The following CAMK4 variants were observed in gnomAD, a reference collection of about 807,000 sequenced individuals.
CAMK4 encodes the protein calcium/calmodulin-dependent protein kinase type IV.
Under a neutral mutation model 44.9 loss-of-function variants are expected in CAMK4, and 22 were observed. The observed-to-expected ratio is 0.49, with a 90% CI of 0.35 to 0.70. CAMK4 has a LOEUF of 0.70. Among genes scored for constraint, CAMK4 ranks in the 30% least tolerant of loss-of-function variants. The pLI is 0.01. For synonymous variants in CAMK4, 218 were observed against 215.4 expected, an observed-to-expected ratio of 1.01 and a Z score of -0.11; for missense variants, 498 against 586.8, an observed-to-expected ratio of 0.85 and a Z score of 1.56.
chr5:111,467,967 CA>C (rs1260424272), intron 7 of CAMK4, among the ~76,000 whole-genome samples: 22 of 145,852 alleles, frequency 1.5e-4, no homozygotes, highest in African/African-American at 5.5e-4. Flanking sequence ...CACACACACA[CA>C]CACCATGGAA....
At chr5:111,256,538 C>A (rs1749753972) in intron 1 of CAMK4, among the ~76,000 whole-genome samples, 1 of 152,092 alleles carries the variant, frequency 6.6e-6, no homozygotes, top group African/African-American at 2.4e-5. Flanking sequence ...TTTGAGACTT[C>A]TTGTGAATCT....
chr5:111,369,374 T>C (rs1750920071), intron 2 of CAMK4, among the ~76,000 whole-genome samples: 1 of 152,142 alleles, frequency 6.6e-6, no homozygotes, highest in African/African-American at 2.4e-5. Flanking sequence ...TGATACAAAA[T>C]TATTGAGAAT....
chr5:111,297,216 TA>T (rs1747525646), intron 1 of CAMK4, among the ~76,000 whole-genome samples: 1 of 152,204 alleles, frequency 6.6e-6, no homozygotes, highest in African/African-American at 2.4e-5. Context: ...AATTAAATAA[TA>T]AAAAATACTT....
intron 7 of CAMK4, among the ~76,000 whole-genome samples, chr5:111,452,825 G>A (rs1381149308): frequency 6.6e-6 from 1 of 152,204 alleles, no homozygotes; most frequent in Non-Finnish European, 1.5e-5. Context: ...ACTATAGGTA[G>A]TGGCTTATCA....
chr5:111,484,731 C>A lies in CAMK4; in HGVS notation c.*265C>A, dbSNP rs377477379. 10 of 304,004 alleles carry A rather than the reference C, an allele frequency of 3.3e-5. No homozygotes were observed. The highest frequency in any genetic ancestry group is 8.6e-5 in the African/African-American group (4 of 46,640). The allele number at this position is 304,004 out of a possible 1,614,324, so 18.8% of individuals were successfully genotyped here. On this transcript the variant is annotated 3_prime_UTR_variant, in exon 11 of 11. Coordinates refer to ENST00000282356, the MANE Select transcript of CAMK4 (RefSeq NM_001744.6). This position sits in a 1 kb window ranked among gnomAD's most constrained non-coding sequence, Gnocchi z 5.3. ...ACACAACGTAACACTTAAAAGCATA[C>A]ATTTTCAGCAACCAGTGGCACATAT... is the stretch of plus-strand genomic sequence containing the variant.
chr5:111,245,494 T>A (rs574907338), intron 1 of CAMK4, among the ~76,000 whole-genome samples: 1 of 152,344 alleles, frequency 6.6e-6, no homozygotes, highest in African/African-American at 2.4e-5. Flanking sequence ...GCCATATCTT[T>A]TCTTCCTTTC....
chr5:111,224,295 C>G, upstream of CAMK4: 1 of 802,602 alleles, frequency 1.2e-6, no homozygotes, highest in Non-Finnish European at 1.7e-6. The surrounding 1 kb of genome is among the most constrained non-coding windows in gnomAD (Gnocchi z 5.7). Context: ...CTCGCGCCCT[C>G]TCGCAGAGGC....
chr5:111,304,534 A>G (rs371231789), intron 1 of CAMK4, among the ~76,000 whole-genome samples: 2 of 4,690 alleles, frequency 4.3e-4, no homozygotes, highest in African/African-American at 1.3e-3. Flanking sequence ...TCAATTCAAC[A>G]AGAGGATCTA....
rs1232076531 is a variant in CAMK4, at chr5:111,432,637, C to CACAT, written c.460-14048_460-14047insCATA. Among the ~76,000 whole-genome samples the CACAT allele has an allele frequency of 6.7e-3, 924 of 136,934 alleles. 9 individuals are homozygous for CACAT. The highest frequency in any genetic ancestry group is 0.024 in the African/African-American group (856 of 35,650). The allele number at this position is 136,934 out of a possible 152,430, so 89.8% of individuals were successfully genotyped here. On this transcript the variant is annotated intron_variant, in intron 5 of 10. Transcript: ENST00000282356. ...ATATGTGTGTGTATATATATATATA[C>CACAT]ATATATATATGTATATATGTGTGTG...
chr5:111,310,873 C>G (rs1254385721), intron 1 of CAMK4, among the ~76,000 whole-genome samples: 1 of 152,074 alleles, frequency 6.6e-6, no homozygotes, highest in Non-Finnish European at 1.5e-5. Context: ...GTTTTCTGGG[C>G]TGTAGGGATG....
chr5:111,269,135 T>C (rs560886849), intron 1 of CAMK4, among the ~76,000 whole-genome samples: 42 of 152,330 alleles, frequency 2.8e-4, no homozygotes, highest in Non-Finnish European at 4.9e-4. Context: ...ATGGAAACTG[T>C]AAACATGCCC....
intron 5 of CAMK4, among the ~76,000 whole-genome samples, chr5:111,402,189 G>T (rs562493570): frequency 6.6e-6 from 1 of 152,198 alleles, no homozygotes; most frequent in Non-Finnish European, 1.5e-5. Flanking sequence ...ATGCCCTCTC[G>T]TGGCAGATCC....
At chr5:111,364,240 G>A (rs1413994597) in intron 2 of CAMK4, among the ~76,000 whole-genome samples, 1 of 151,968 alleles carries the variant, frequency 6.6e-6, no homozygotes, top group Non-Finnish European at 1.5e-5. Context: ...CTAGATCCCA[G>A]GGAGATACAG....
chr5:111,249,640 A>G (rs1172356921), intron 1 of CAMK4, among the ~76,000 whole-genome samples: 35 of 120,032 alleles, frequency 2.9e-4, no homozygotes, highest in African/African-American at 4.6e-4. Context: ...ATATATATAT[A>G]TATATGTGTG....
At chr5:111,311,448 C>T (rs924567503) in intron 1 of CAMK4, among the ~76,000 whole-genome samples, 7 of 152,090 alleles carry the variant, frequency 4.6e-5, no homozygotes, top group Admixed American at 2.6e-4. Flanking sequence ...ATAGATGATA[C>T]GTTGATGGGC....
In CAMK4 at chr5:111,315,597, AT is replaced by A. The variant is rs973403686; in HGVS notation, c.162-28419del. Reference sequence around the variant, plus strand: ...TTAGTTGTGGAAGATTATGATCTTCATTTTTTTTGTATATAAAGGAACTCTA... The same window carrying A: ...TTAGTTGTGGAAGATTATGATCTTCATTTTTTTGTATATAAAGGAACTCTA... On this transcript the variant is annotated intron_variant, in intron 1 of 10. Coordinates refer to ENST00000282356, the MANE Select transcript of CAMK4 (RefSeq NM_001744.6). 2.1e-4 allele frequency among the ~76,000 whole-genome samples: 32 copies of A among 152,094 alleles called. 1 individual carries two copies. Among genetic ancestry groups the A allele is most frequent in the Admixed American group, 1.8e-3 (28 of 15,266 alleles).
At chr5:111,331,130 G>C (rs1156292275) in intron 1 of CAMK4, among the ~76,000 whole-genome samples, 1 of 151,572 alleles carries the variant, frequency 6.6e-6, no homozygotes, top group Non-Finnish European at 1.5e-5. Flanking sequence ...AAAATTAAAA[G>C]ATTATGATTA....
chr5:111,361,467 G>C (rs1229582084), intron 2 of CAMK4, among the ~76,000 whole-genome samples: 1 of 151,794 alleles, frequency 6.6e-6, no homozygotes, highest in Non-Finnish European at 1.5e-5. Context: ...ATGGCTTCTT[G>C]ATAATTTAAA....
chr5:111,375,089 C>A (rs552710293), intron 3 of CAMK4, among the ~76,000 whole-genome samples, 177 bp downstream of exon 3: 13 of 152,282 alleles, frequency 8.5e-5, no homozygotes, highest in African/African-American at 3.1e-4. Context: ...ATAAGTCTTA[C>A]AAGTAATACC....
Sources: gnomAD v4.1 joint callset for allele counts (sites outside exome capture counted in the v4.1 genomes callset) on GRCh38, gnomAD v4.1.1 for gene constraint, Gnocchi (gnomAD v3.1) non-coding constraint, MANE v1.5 for transcripts, NCBI Gene and HGNC (gene_info 2026-07-23, HGNC 2026-07-21) for gene names.